PCSK6: variants seen among roughly 807,000 people sequenced by gnomAD.
The protein encoded by PCSK6 is proprotein convertase subtilisin/kexin type 6.
PCSK6 carries 85 observed loss-of-function variants against 123.3 expected under a neutral mutation model. The ratio of observed to expected loss-of-function variants is 0.69; its 90% CI spans 0.58 to 0.83. The LOEUF (loss-of-function observed/expected upper bound fraction) is 0.83, where lower values mean the gene tolerates loss of function less well. Ranked by LOEUF, PCSK6 falls within the 40% of genes least tolerant of loss-of-function variation. The pLI, the probability that PCSK6 is intolerant of heterozygous loss-of-function variation, is 0.00. For synonymous variants in PCSK6, 508 were observed against 516.0 expected, an observed-to-expected ratio of 0.98 and a Z score of 0.21; for missense variants, 1,191 against 1,282.3, an observed-to-expected ratio of 0.93 and a Z score of 1.09.
intron 12 of PCSK6, among the ~76,000 whole-genome samples, chr15:101,368,284 C>A (rs926532887): frequency 6.6e-6 from 1 of 152,082 alleles, no homozygotes; most frequent in Non-Finnish European, 1.5e-5. Context: ...CCCAGGGGAG[C>A]GGGAGAGGGG....
intron 6 of PCSK6, among the ~76,000 whole-genome samples, chr15:101,404,955 A>C (rs1427433708): frequency 1.3e-5 from 2 of 152,160 alleles, no homozygotes; most frequent in Non-Finnish European, 2.9e-5. Context: ...AAATACATAA[A>C]AACATATGAC....
chr15:101,389,954 G>A (rs6598463), intron 8 of PCSK6, among the ~76,000 whole-genome samples: 128,784 of 152,114 alleles, frequency 0.85, 54,745 homozygotes, highest in Admixed American at 0.87. Flanking sequence ...ACCAACAGCC[G>A]AGAGTACCCA....
Position 101,398,149 on chromosome 15 carries a change from C to T in PCSK6, c.996+255G>A, listed in dbSNP as rs951601243. 6.6e-6 allele frequency among the ~76,000 whole-genome samples: 1 copy of T among 152,194 alleles called. No homozygotes were observed. The highest frequency in any genetic ancestry group is 2.4e-5 in the African/African-American group (1 of 41,464). ...GGGCAAACTCCAAGGCAGAGAGGGT[C>T]GTGCTAGCAGTGGCCACCTGGCTGT... On this transcript the variant is annotated intron_variant, in intron 7 of 21. Transcript: ENST00000611716. This position sits in a 1 kb window ranked among gnomAD's most constrained non-coding sequence, Gnocchi z 4.6.
intron 1 of PCSK6, among the ~76,000 whole-genome samples, chr15:101,447,418 A>C (rs935718180): frequency 6.6e-6 from 1 of 152,130 alleles, no homozygotes. Flanking sequence ...AGATGAGTAT[A>C]CTGAGGCCCA....
intron 9 of PCSK6, among the ~76,000 whole-genome samples, chr15:101,386,440 G>C (rs1596270373): frequency 1.3e-5 from 2 of 152,162 alleles, no homozygotes; most frequent in East Asian, 3.9e-4. Flanking sequence ...CATTGCTCTG[G>C]TACCGCCACA....
intron 6 of PCSK6, among the ~76,000 whole-genome samples, chr15:101,417,221 C>G (rs1490389646): frequency 6.6e-6 from 1 of 152,176 alleles, no homozygotes; most frequent in Non-Finnish European, 1.5e-5. Context: ...TAAGAAGTGC[C>G]TTTCACCTCC....
chr15:101,399,365 T>A (rs1442388768), intron 6 of PCSK6, among the ~76,000 whole-genome samples: 1 of 152,130 alleles, frequency 6.6e-6, no homozygotes, highest in Non-Finnish European at 1.5e-5. Flanking sequence ...GCACCCCAGG[T>A]TGCAATGGAG....
chr15:101,427,214 C>A (rs1209016094), intron 6 of PCSK6, among the ~76,000 whole-genome samples: 4 of 152,232 alleles, frequency 2.6e-5, no homozygotes, highest in African/African-American at 9.6e-5. Flanking sequence ...GGGGCAGGGG[C>A]GGCTGCTGCT....
intron 1 of PCSK6, among the ~76,000 whole-genome samples, chr15:101,454,080 C>T (rs11631612): frequency 0.24 from 36,672 of 152,154 alleles, 4,876 homozygotes; most frequent in South Asian, 0.34. Flanking sequence ...CTCATGGCTA[C>T]TTGGCCAAGG....
intron 8 of PCSK6, among the ~76,000 whole-genome samples, chr15:101,391,109 G>A (rs1254309246): frequency 6.6e-6 from 1 of 152,180 alleles, no homozygotes; most frequent in Admixed American, 6.5e-5. Flanking sequence ...ACAGAGACCA[G>A]TTTCCTCCTT....
At chr15:101,482,983 T>C (rs907940372) in intron 1 of PCSK6, among the ~76,000 whole-genome samples, 1 of 152,210 alleles carries the variant, frequency 6.6e-6, no homozygotes, top group African/African-American at 2.4e-5. Flanking sequence ...CTTAAAGGCA[T>C]CACCATCCGG....
At position 101,366,414 on chromosome 15, in the gene PCSK6, C is replaced by T. The variant is rs371494640; in HGVS notation, c.1722-82G>A. 1.0e-4 allele frequency: 149 copies of T among 1,452,494 alleles called. 2 individuals are homozygous for T. In the African/African-American group the frequency reaches 1.2e-3, roughly 12 times the overall value. The allele number at this position is 1,452,494 out of a possible 1,614,324, so 90.0% of individuals were successfully genotyped here. Reference sequence around the variant, plus strand: ...GAGGGGCTGGCACAAGCAGGGCTCTCGGGGGACTGTATGACCTGGCTGGAC... The same window carrying T: ...GAGGGGCTGGCACAAGCAGGGCTCTTGGGGGACTGTATGACCTGGCTGGAC... On this transcript the variant is annotated intron_variant, in intron 12 of 21. Coordinates refer to ENST00000611716, the MANE Select transcript of PCSK6 (RefSeq NM_002570.5).
chr15:101,396,453 C>G (rs2042415849), intron 7 of PCSK6, among the ~76,000 whole-genome samples: 1 of 152,178 alleles, frequency 6.6e-6, no homozygotes. Flanking sequence ...AGACGCTCAG[C>G]AGGAACACCA....
intron 1 of PCSK6, among the ~76,000 whole-genome samples, chr15:101,464,759 C>G (rs904334932): frequency 2.6e-5 from 4 of 152,170 alleles, no homozygotes; most frequent in African/African-American, 7.2e-5. Context: ...GGTCTCCTCA[C>G]CAAGGGGTTA....
At chr15:101,461,999 A>C (rs2057350875) in intron 1 of PCSK6, among the ~76,000 whole-genome samples, 1 of 152,254 alleles carries the variant, frequency 6.6e-6, no homozygotes, top group African/African-American at 2.4e-5. Context: ...TAATTAGCTT[A>C]AAGATTGATT....
intron 6 of PCSK6, among the ~76,000 whole-genome samples, chr15:101,414,572 A>G (rs1011925722): frequency 3.3e-5 from 5 of 152,198 alleles, no homozygotes; most frequent in African/African-American, 1.2e-4. Context: ...GAAAGAGTTA[A>G]GTACTGATTA....
At chr15:101,454,968 G>GAATA (rs2057138712) in intron 1 of PCSK6, among the ~76,000 whole-genome samples, 1 of 147,508 alleles carries the variant, frequency 6.8e-6, no homozygotes. Flanking sequence ...ATGAATGAAT[G>GAATA]AATGAATGAA....
intron 9 of PCSK6, 89 bp from the exon 10 acceptor site, chr15:101,384,514 C>T: frequency 9.6e-7 from 1 of 1,044,480 alleles, no homozygotes; most frequent in Non-Finnish European, 1.4e-6. Context: ...GGCAGCCAAC[C>T]CACGTCTGAA....
chr15:101,366,707 C>T (rs2041404327), intron 12 of PCSK6, among the ~76,000 whole-genome samples: 1 of 152,196 alleles, frequency 6.6e-6, no homozygotes, highest in Non-Finnish European at 1.5e-5. Flanking sequence ...AACAATCTTA[C>T]AGAGACCATA....
Sources: gnomAD v4.1 joint callset for allele counts (sites outside exome capture counted in the v4.1 genomes callset) on GRCh38, gnomAD v4.1.1 for gene constraint, Gnocchi (gnomAD v3.1) non-coding constraint, MANE v1.5 for transcripts, NCBI Gene and HGNC (gene_info 2026-07-23, HGNC 2026-07-21) for gene names.